GRAMD1B: variants seen among roughly 807,000 people sequenced by gnomAD.
GRAMD1B encodes the protein protein Aster-B.
GRAMD1B carries 37 observed loss-of-function variants against 99.7 expected under a neutral mutation model. The ratio of observed to expected loss-of-function variants is 0.37; its 90% CI spans 0.29 to 0.49. The LOEUF (loss-of-function observed/expected upper bound fraction) is 0.49, where lower values mean the gene tolerates loss of function less well. Among genes scored for constraint, GRAMD1B ranks in the 20% least tolerant of loss-of-function variants. GRAMD1B has a pLI of 0.98. For synonymous variants in GRAMD1B, 427 were observed against 387.6 expected, an observed-to-expected ratio of 1.10 and a Z score of -1.19; for missense variants, 888 against 1,009.2, an observed-to-expected ratio of 0.88 and a Z score of 1.63.
intron 1 of GRAMD1B, among the ~76,000 whole-genome samples, chr11:123,412,208 A>G (rs1948076120): frequency 6.6e-6 from 1 of 152,226 alleles, no homozygotes; most frequent in Non-Finnish European, 1.5e-5. Context: ...TGGAAATATA[A>G]CAATTTCCTT....
intron 17 of GRAMD1B, among the ~76,000 whole-genome samples, chr11:123,616,357 C>G (rs1954384604): frequency 2.0e-5 from 3 of 152,160 alleles, no homozygotes; most frequent in Admixed American, 2.0e-4. Context: ...AGCTGTAAAA[C>G]TAGTAAAAGT....
Position 123,430,394 on chromosome 11 carries a change from G to A in GRAMD1B, c.-399G>A. 4.7e-6 allele frequency: 1 copy of A among 212,942 alleles called. No homozygotes were observed. Among genetic ancestry groups the A allele is most frequent in the Non-Finnish European group, 9.2e-6 (1 of 108,550 alleles). The allele number at this position is 212,942 out of a possible 1,614,324, so 13.2% of individuals were successfully genotyped here. A position where few individuals can be genotyped will look rare whatever the true frequency, so the allele number is the denominator to read the frequency against. On this transcript the variant is annotated 5_prime_UTR_variant, in exon 1 of 20. Coordinates refer to ENST00000635736, the MANE Select transcript of GRAMD1B (RefSeq NM_001387025.1). ...GCTGAACGCAAACCGCTGAGAGTTT[G>A]CTGCACCGCCCCCTGGGGCCCCTGG...
At chr11:123,471,686 C>T (rs1360648517) in intron 1 of GRAMD1B, among the ~76,000 whole-genome samples, 4 of 152,006 alleles carry the variant, frequency 2.6e-5, no homozygotes, top group African/African-American at 7.3e-5. Context: ...GAGAGGTAGG[C>T]TTGGGGTGCA....
intron 2 of GRAMD1B, among the ~76,000 whole-genome samples, chr11:123,555,214 C>T (rs192882181): frequency 1.3e-4 from 20 of 152,140 alleles, no homozygotes; most frequent in African/African-American, 4.8e-4. Context: ...TACATGGATA[C>T]GTAGCCTGAG....
intron 1 of GRAMD1B, among the ~76,000 whole-genome samples, chr11:123,379,747 T>G (rs1014415861): frequency 1.3e-5 from 2 of 152,226 alleles, no homozygotes; most frequent in African/African-American, 4.8e-5. Context: ...ACACTTTGAG[T>G]GACCGCCAGA....
Position 123,584,329 on chromosome 11 carries a change from T to C in GRAMD1B, c.681T>C (p.Tyr227=). The change falls in exon 4 of 20, where the codon TAT becomes TAC. Residue 227 remains tyrosine (Y), a synonymous_variant. Coordinates refer to ENST00000635736, the MANE Select transcript of GRAMD1B (RefSeq NM_001387025.1). ...GKNSKKSQSW[Y]NVLSPTYKQR... is the part of the protein sequence containing the mutation. ...CTTTTCAGAAAAGCCAGAGTTGGTA[T>C]AATGTAAGTATTCCTGTTTCCCTTC... The C allele has an allele frequency of 1.7e-6, 1 of 597,882 alleles. No individual in the cohort carries two copies. The allele number at this position is 597,882 out of a possible 1,614,324, so 37.0% of individuals were successfully genotyped here. A position where few individuals can be genotyped will look rare whatever the true frequency, so the allele number is the denominator to read the frequency against.
chr11:123,598,472 G>C, intron 7 of GRAMD1B: 2 of 1,068,196 alleles, frequency 1.9e-6, no homozygotes, highest in South Asian at 2.5e-5. Flanking sequence ...CGTATTCATA[G>C]ATTTGGGCTT....
At chr11:123,487,938 C>T (rs1938056074) in intron 2 of GRAMD1B, among the ~76,000 whole-genome samples, 1 of 152,132 alleles carries the variant, frequency 6.6e-6, no homozygotes, top group South Asian at 2.1e-4. Context: ...ACTGAGCACC[C>T]GAGTGTCTTA....
intron 2 of GRAMD1B, among the ~76,000 whole-genome samples, chr11:123,547,178 T>C (rs1360737751): frequency 3.3e-5 from 5 of 152,182 alleles, no homozygotes; most frequent in Non-Finnish European, 7.3e-5. Context: ...CTTTCCACTT[T>C]GGAGATCTGT....
intron 1 of GRAMD1B, among the ~76,000 whole-genome samples, chr11:123,389,675 C>T (rs565193057): frequency 1.3e-4 from 20 of 152,030 alleles, no homozygotes; most frequent in African/African-American, 1.9e-4. Context: ...ACCATACTAA[C>T]GTGAGATGTT....
intron 1 of GRAMD1B, among the ~76,000 whole-genome samples, chr11:123,408,553 G>A (rs1947934521): frequency 6.6e-6 from 1 of 152,224 alleles, no homozygotes; most frequent in South Asian, 2.1e-4. Flanking sequence ...ACAGCTCACT[G>A]TTTTCTAAGA....
intron 2 of GRAMD1B, among the ~76,000 whole-genome samples, chr11:123,525,091 A>T (rs1009730872): frequency 2.0e-5 from 3 of 152,148 alleles, no homozygotes; most frequent in African/African-American, 7.2e-5. Context: ...ATTGGTGATC[A>T]TGTTGCCTAA....
intron 1 of GRAMD1B, among the ~76,000 whole-genome samples, chr11:123,378,108 C>T (rs750916687): frequency 1.4e-4 from 21 of 152,192 alleles, no homozygotes; most frequent in Admixed American, 1.3e-3. Context: ...GTTTATTAAG[C>T]GTTTTCTCTG....
At chr11:123,456,919 CA>C (rs546768047) in intron 1 of GRAMD1B, among the ~76,000 whole-genome samples, 27,314 of 81,210 alleles carry the variant, frequency 0.34, 2,691 homozygotes, top group East Asian at 0.48. Context: ...GACTCTGTCT[CA>C]AAAAAAAAAA....
intron 1 of GRAMD1B, among the ~76,000 whole-genome samples, chr11:123,441,798 AAG>A (rs1263815014): frequency 8.8e-6 from 1 of 114,184 alleles, no homozygotes; most frequent in East Asian, 2.2e-4. Flanking sequence ...CCTATCTGAA[AAG>A]AGAGAGAGAA....
intron 19 of GRAMD1B, among the ~76,000 whole-genome samples, chr11:123,620,628 A>G (rs562391160): frequency 6.6e-6 from 1 of 152,138 alleles, no homozygotes; most frequent in Non-Finnish European, 1.5e-5. Flanking sequence ...TAGAAGCCCT[A>G]CCCTTTCAAA....
intron 1 of GRAMD1B, among the ~76,000 whole-genome samples, chr11:123,362,814 T>C (rs757547269): frequency 6.6e-6 from 1 of 151,848 alleles, no homozygotes; most frequent in Non-Finnish European, 1.5e-5. Context: ...CTAGAAAAGT[T>C]TGTGAGATCC....
chr11:123,427,185 C>T (rs777047723), upstream of GRAMD1B, among the ~76,000 whole-genome samples: 1 of 152,208 alleles, frequency 6.6e-6, no homozygotes, highest in Non-Finnish European at 1.5e-5. Flanking sequence ...GATTCTGACG[C>T]AGGGCATGAA....
chr11:123,622,425 G>A (rs1398943244), intron 19 of GRAMD1B, 81 bp from the exon 20 acceptor site: 5 of 837,382 alleles, frequency 6.0e-6, no homozygotes, highest in Non-Finnish European at 1.0e-5. Context: ...GCCCTAGGCG[G>A]GTGTGGGGAG....
Sources: allele counts gnomAD v4.1 joint callset (sites outside exome capture counted in the v4.1 genomes callset), GRCh38; gene constraint gnomAD v4.1.1; transcripts MANE v1.5; gene names NCBI Gene and HGNC (gene_info 2026-07-23, HGNC 2026-07-21).